The following DSCAM variants were observed in gnomAD, a reference collection of about 807,000 sequenced individuals.
DSCAM encodes cell adhesion molecule DSCAM.
Under a neutral mutation model 217.7 loss-of-function variants are expected in DSCAM, and 47 were observed. That is an observed-to-expected ratio of 0.22 (90% CI 0.17 to 0.28). The LOEUF (loss-of-function observed/expected upper bound fraction) is 0.28. DSCAM is among the 10% of genes least tolerant of loss of function. The probability of loss-of-function intolerance (pLI) is 1.00; values close to 1 mark genes in which losing one functional copy is unlikely to be tolerated. For synonymous variants in DSCAM, 1,056 were observed against 1,015.3 expected (o/e 1.04, Z -0.76); for missense variants, 2,080 against 2,618.3 (o/e 0.79, Z 4.49).
chr21:40,051,642 G>A (rs2088933176), intron 30 of DSCAM, among the ~76,000 whole-genome samples: 1 of 151,974 alleles, frequency 6.6e-6, no homozygotes, highest in Non-Finnish European at 1.5e-5. Flanking sequence ...TCCCAATACT[G>A]GCATACAGCA....
chr21:40,367,542 C>A (rs779121422), intron 4 of DSCAM, among the ~76,000 whole-genome samples: 11 of 152,156 alleles, frequency 7.2e-5, no homozygotes, highest in Non-Finnish European at 1.6e-4. Context: ...GAAATGCATT[C>A]TGTATTCAGT....
intron 3 of DSCAM, among the ~76,000 whole-genome samples, chr21:40,554,484 T>G (rs540061010): frequency 4.3e-4 from 65 of 152,158 alleles, no homozygotes; most frequent in Non-Finnish European, 8.4e-4. Context: ...TTGTGGACAA[T>G]TTTGGGGAAA....
intron 3 of DSCAM, among the ~76,000 whole-genome samples, chr21:40,691,947 A>G (rs145256541): frequency 3.9e-5 from 6 of 152,342 alleles, no homozygotes; most frequent in East Asian, 1.9e-4. Context: ...CTATAAATGG[A>G]TAAAATGTTG....
Position 40,168,486 on chromosome 21 carries a change from A to G in DSCAM, c.2948-1198T>C, listed in dbSNP as rs546020601. Among the ~76,000 whole-genome samples, 10 of 152,348 alleles carry G rather than the reference A, an allele frequency of 6.6e-5. No homozygotes were observed. The South Asian group carries it at 1.9e-3, about 28-fold the overall frequency. On this transcript the variant is annotated intron_variant, in intron 15 of 32. Coordinates refer to ENST00000400454, the MANE Select transcript of DSCAM (RefSeq NM_001389.5). Reference sequence around the variant, plus strand: ...GTCTTCTGAGAAGCAGAAGCAAATGACGACACAGAGATCAGAGGGAAAGAA... The same window carrying G: ...GTCTTCTGAGAAGCAGAAGCAAATGGCGACACAGAGATCAGAGGGAAAGAA...
chr21:40,518,635 CAT>C (rs1299995052), intron 3 of DSCAM, among the ~76,000 whole-genome samples: 4 of 128,510 alleles, frequency 3.1e-5, no homozygotes, highest in Admixed American at 8.9e-5. Context: ...CATACACACA[CAT>C]ATATACATGT....
chr21:40,749,297 A>G (rs1308283545), intron 1 of DSCAM, among the ~76,000 whole-genome samples: 2 of 151,900 alleles, frequency 1.3e-5, no homozygotes, highest in African/African-American at 2.4e-5. Flanking sequence ...CAGAATGGGG[A>G]AAAAAAACTA....
At chr21:40,105,680 T>G (rs2089810516) in intron 20 of DSCAM, among the ~76,000 whole-genome samples, 1 of 152,116 alleles carries the variant, frequency 6.6e-6, no homozygotes, top group Admixed American at 6.5e-5. Context: ...ATTAGCAGTG[T>G]GAGAACAGAC....
intron 1 of DSCAM, among the ~76,000 whole-genome samples, chr21:40,790,850 T>G (rs1240091313): frequency 1.3e-5 from 2 of 152,118 alleles, no homozygotes; most frequent in Non-Finnish European, 2.9e-5. Flanking sequence ...CAGTTGATGC[T>G]TCATAAAACA....
intron 1 of DSCAM, among the ~76,000 whole-genome samples, chr21:40,773,423 T>A (rs1300906836): frequency 6.6e-6 from 1 of 152,214 alleles, no homozygotes; most frequent in African/African-American, 2.4e-5. Context: ...TGTGTCTTCA[T>A]GTCTAAATTT....
chr21:40,844,455 C>T (rs909357835), intron 1 of DSCAM, among the ~76,000 whole-genome samples: 1 of 152,268 alleles, frequency 6.6e-6, no homozygotes, highest in South Asian at 2.1e-4. Context: ...ATACGTAATA[C>T]AGCAATGTAA....
At chr21:40,084,096 G>C in intron 23 of DSCAM, 90 bp from the exon 24 acceptor site, 1 of 971,856 alleles carries the variant, frequency 1.0e-6, no homozygotes, top group Non-Finnish European at 1.5e-6. Context: ...ATTTTTAACA[G>C]CCATTTATTA....
intron 1 of DSCAM, among the ~76,000 whole-genome samples, chr21:40,787,336 G>T (rs7284059): frequency 0.13 from 19,719 of 152,162 alleles, 1,591 homozygotes; most frequent in East Asian, 0.21. Flanking sequence ...TCAGATTTAA[G>T]ATAAAAATCA....
intron 32 of DSCAM, among the ~76,000 whole-genome samples, chr21:40,021,229 A>G (rs889247209): frequency 6.6e-6 from 1 of 151,626 alleles, no homozygotes; most frequent in African/African-American, 2.4e-5. Context: ...AAAAAAAAGA[A>G]AAGAAACATA....
chr21:40,777,475 A>C (rs1045719361), intron 1 of DSCAM, among the ~76,000 whole-genome samples: 3 of 152,236 alleles, frequency 2.0e-5, no homozygotes, highest in Non-Finnish European at 4.4e-5. Flanking sequence ...GAATGCTTGC[A>C]TCATGAAGGA....
At chr21:40,413,976 T>A (rs965762745) in intron 3 of DSCAM, among the ~76,000 whole-genome samples, 2 of 152,216 alleles carry the variant, frequency 1.3e-5, no homozygotes, top group Non-Finnish European at 2.9e-5. Flanking sequence ...AGAACTTAAC[T>A]TGAAGTAGCT....
At chr21:40,791,186 A>G (rs912436189) in intron 1 of DSCAM, among the ~76,000 whole-genome samples, 5 of 151,648 alleles carry the variant, frequency 3.3e-5, no homozygotes, top group Non-Finnish European at 7.4e-5. Context: ...AAAAAGAAAT[A>G]TGCTTAGTAC....
At chr21:40,220,112 C>A (rs2091277637) in intron 11 of DSCAM, among the ~76,000 whole-genome samples, 1 of 152,174 alleles carries the variant, frequency 6.6e-6, no homozygotes, top group Non-Finnish European at 1.5e-5. Context: ...GGAGCCTTAG[C>A]AATATAAAAC....
intron 6 of DSCAM, among the ~76,000 whole-genome samples, chr21:40,340,978 C>A (rs1447964769): frequency 6.6e-6 from 1 of 151,998 alleles, no homozygotes; most frequent in Non-Finnish European, 1.5e-5. Context: ...CTCTTCCCTC[C>A]ACCCCCTACT....
intron 27 of DSCAM, among the ~76,000 whole-genome samples, chr21:40,065,472 T>A (rs558364730): frequency 6.6e-6 from 1 of 152,074 alleles, no homozygotes; most frequent in African/African-American, 2.4e-5. Context: ...AATCACAGAA[T>A]CTTAAGAGCA....
Sources: gnomAD v4.1 joint callset for allele counts (sites outside exome capture counted in the v4.1 genomes callset) on GRCh38, gnomAD v4.1.1 for gene constraint, MANE v1.5 for transcripts, NCBI Gene and HGNC (gene_info 2026-07-23, HGNC 2026-07-21) for gene names.